Variants in SORCS1 observed in about 807,000 individuals in gnomAD.
The protein encoded by SORCS1 is sortilin related VPS10 domain containing receptor 1.
SORCS1 carries 60 observed loss-of-function variants against 146.1 expected under a neutral mutation model. The observed-to-expected ratio is 0.41, with a 90% CI of 0.33 to 0.51. The LOEUF (loss-of-function observed/expected upper bound fraction) is 0.51, where lower values mean the gene tolerates loss of function less well. Among genes scored for constraint, SORCS1 ranks in the 20% least tolerant of loss-of-function variants. The pLI is 0.21. For missense variants in SORCS1, 1,352 were observed against 1,487.6 expected, an observed-to-expected ratio of 0.91 and a Z score of 1.50; for synonymous variants, 637 against 584.0, an observed-to-expected ratio of 1.09 and a Z score of -1.31.
chr10:107,180,934 C>A, the SORCS1 span, among the ~76,000 whole-genome samples: 1 of 152,216 alleles, frequency 6.6e-6, no homozygotes, highest in South Asian at 2.1e-4. Flanking sequence ...TGCTACTGTA[C>A]TGAATACTGT....
At chr10:107,069,669 C>A (rs1298456985) in intron 1 of SORCS1, among the ~76,000 whole-genome samples, 2 of 152,208 alleles carry the variant, frequency 1.3e-5, no homozygotes, top group Non-Finnish European at 2.9e-5. Flanking sequence ...AGCCACCTCG[C>A]CTGGCCCATG....
chr10:107,031,602 T>C (rs918272404), intron 1 of SORCS1, among the ~76,000 whole-genome samples: 14 of 121,290 alleles, frequency 1.2e-4, no homozygotes, highest in Non-Finnish European at 2.2e-4. Flanking sequence ...TGTATCTCTC[T>C]TTTTTTTTTT....
At chr10:107,106,156 T>C (rs553056467) in intron 1 of SORCS1, among the ~76,000 whole-genome samples, 2 of 152,272 alleles carry the variant, frequency 1.3e-5, no homozygotes, top group African/African-American at 4.8e-5. Flanking sequence ...TTCTCAAAAT[T>C]CTGAATACTA....
chr10:106,574,047 ACT>A lies in SORCS1; in HGVS notation c.*3371_*3372del, dbSNP rs1844478111. The stretch of plus-strand genomic sequence containing the variant: ...GAAGTAGTTCCAATACTATAAGAAA[ACT>A]TTTTTTTTTTTTAATTGGCTTCCTA... On this transcript the variant is annotated 3_prime_UTR_variant, in exon 26 of 26. Coordinates refer to ENST00000263054, the MANE Select transcript of SORCS1 (RefSeq NM_052918.5). 1 of 126,644 alleles carries A rather than the reference ACT, an allele frequency of 7.9e-6. No homozygotes were observed. The highest frequency in any genetic ancestry group is 2.9e-4 in the South Asian group (1 of 3,422). 7.8% of individuals were successfully genotyped at this position (126,644 alleles called of 1,614,324 possible).
intron 9 of SORCS1, among the ~76,000 whole-genome samples, chr10:106,695,694 T>C (rs958713015): frequency 1.7e-4 from 24 of 137,462 alleles, no homozygotes; most frequent in African/African-American, 6.2e-4. Context: ...CCATTATTAA[T>C]GATATCAATT....
intron 2 of SORCS1, among the ~76,000 whole-genome samples, chr10:106,844,396 G>A (rs941503275): frequency 6.6e-6 from 1 of 151,832 alleles, no homozygotes; most frequent in Non-Finnish European, 1.5e-5. Context: ...GACCAATATT[G>A]AGGAGATTTT....
At chr10:106,615,446 C>G (rs1050686160) in intron 21 of SORCS1, among the ~76,000 whole-genome samples, 2 of 152,176 alleles carry the variant, frequency 1.3e-5, no homozygotes, top group African/African-American at 4.8e-5. Flanking sequence ...TTTCTTTCAG[C>G]TGGGTTCAAT....
chr10:106,936,383 C>T (rs543256178), intron 2 of SORCS1, among the ~76,000 whole-genome samples: 1 of 152,166 alleles, frequency 6.6e-6, no homozygotes, highest in Non-Finnish European at 1.5e-5. Flanking sequence ...AAGTCCAAGA[C>T]AGGAACATAG....
chr10:106,630,447 T>A (rs1311841247), intron 18 of SORCS1, among the ~76,000 whole-genome samples: 2 of 152,112 alleles, frequency 1.3e-5, no homozygotes, highest in Non-Finnish European at 2.9e-5. Flanking sequence ...TAAGTGGCGG[T>A]CCTGGTATTC....
intron 5 of SORCS1, among the ~76,000 whole-genome samples, chr10:106,743,078 T>C (rs1411783591): frequency 6.6e-6 from 1 of 152,150 alleles, no homozygotes; most frequent in Non-Finnish European, 1.5e-5. Context: ...TTGGGGTCTG[T>C]TTTTAAATCA....
intron 1 of SORCS1, among the ~76,000 whole-genome samples, chr10:106,988,455 C>T (rs756350397): frequency 7.2e-5 from 11 of 152,186 alleles, no homozygotes; most frequent in Non-Finnish European, 1.6e-4. Flanking sequence ...CTCAGTTGGA[C>T]GTCTTAGCGT....
chr10:106,821,541 G>A (rs1402867534), intron 3 of SORCS1, among the ~76,000 whole-genome samples: 2 of 152,140 alleles, frequency 1.3e-5, no homozygotes, highest in African/African-American at 4.8e-5. Flanking sequence ...TGCATTAGAT[G>A]CTTCTTATAT....
chr10:107,068,003 C>T (rs572985733), intron 1 of SORCS1, among the ~76,000 whole-genome samples: 9 of 152,246 alleles, frequency 5.9e-5, no homozygotes, highest in Admixed American at 5.2e-4. Flanking sequence ...ACGCTGCTTC[C>T]ATGGCAAGCT....
chr10:107,064,139 G>C (rs1477273510), intron 1 of SORCS1, among the ~76,000 whole-genome samples: 1 of 152,094 alleles, frequency 6.6e-6, no homozygotes, highest in East Asian at 1.9e-4. Context: ...CTTTTGAAAG[G>C]AGTTGAAGTC....
rs12250368 is a variant in SORCS1 at position 107,134,056 on chromosome 10, G to C, written c.558+29913C>G. On this transcript the variant is annotated intron_variant, in intron 1 of 25. Transcript: ENST00000263054. ...GCTACTGTTGCTATTATTACTACTAGTAGTAGTAGCAGTGCTAGTAGTAGT... is the reference window on the plus strand; with the variant it reads ...GCTACTGTTGCTATTATTACTACTACTAGTAGTAGCAGTGCTAGTAGTAGT... Among the ~76,000 whole-genome samples, 573 of 152,234 alleles carry C rather than the reference G, an allele frequency of 3.8e-3. 6 individuals carry two copies. Among genetic ancestry groups the C allele is most frequent in the African/African-American group, 0.013 (552 of 41,538 alleles).
At chr10:106,633,077 G>GAA (rs1848529808) in intron 18 of SORCS1, among the ~76,000 whole-genome samples, 1 of 152,086 alleles carries the variant, frequency 6.6e-6, no homozygotes, top group Admixed American at 6.6e-5. Context: ...TTAAAGCAGA[G>GAA]AAAAATACCT....
At chr10:107,005,765 C>A (rs569579181) in intron 1 of SORCS1, among the ~76,000 whole-genome samples, 3 of 152,052 alleles carry the variant, frequency 2.0e-5, no homozygotes, top group African/African-American at 7.2e-5. Context: ...TTTAAAATGA[C>A]AAAAATAGGC....
chr10:106,612,441 G>A (rs1847070854), intron 21 of SORCS1, among the ~76,000 whole-genome samples: 1 of 148,002 alleles, frequency 6.8e-6, no homozygotes, highest in African/African-American at 2.5e-5. Context: ...GTTATATGAG[G>A]AGGCAGTGTC....
chr10:106,923,868 T>A (rs1021816432), intron 2 of SORCS1, among the ~76,000 whole-genome samples: 2 of 152,244 alleles, frequency 1.3e-5, no homozygotes, highest in African/African-American at 2.4e-5. Context: ...ATAGTGCTTG[T>A]ATAGTGTGGA....
Sources: allele counts gnomAD v4.1 joint callset (sites outside exome capture counted in the v4.1 genomes callset), GRCh38; gene constraint gnomAD v4.1.1; transcripts MANE v1.5; gene names NCBI Gene and HGNC (gene_info 2026-07-23, HGNC 2026-07-21).